Variants in FYCO1 observed in about 807,000 individuals in gnomAD.
The protein encoded by FYCO1 is FYVE and coiled-coil domain-containing protein 1.
Under a neutral mutation model 165.1 loss-of-function variants are expected in FYCO1, and 122 were observed. The ratio of observed to expected loss-of-function variants is 0.74; its 90% CI spans 0.64 to 0.86. FYCO1 has a LOEUF of 0.86. Among genes scored for constraint, FYCO1 ranks in the 40% least tolerant of loss-of-function variants. The pLI is 0.00. For synonymous variants in FYCO1, 648 were observed against 742.5 expected (o/e 0.87, Z 2.07); for missense variants, 1,702 against 1,810.3 (o/e 0.94, Z 1.09).
In FYCO1 at chr3:45,968,428, C is replaced by T. The variant is rs1706229035; in HGVS notation, c.906G>A (p.Trp302Ter). ...TCLVAELQKQ[W>*]EVTQATQNTV... is the part of the protein sequence containing the mutation. Reference sequence around the variant, plus strand: ...TGTTCTGGGTGGCCTGGGTGACCTCCCACTGCTTCTGGAGCTCAGCTACCA... The same window carrying T: ...TGTTCTGGGTGGCCTGGGTGACCTCTCACTGCTTCTGGAGCTCAGCTACCA... Residue 302 changes from tryptophan (W) to a stop codon, truncating the protein, a stop_gained, in exon 8 of 18, where the codon TGG becomes TGA. Coordinates refer to ENST00000296137, the MANE Select transcript of FYCO1 (RefSeq NM_024513.4). LOFTEE classifies it high-confidence loss of function. 1.2e-6 allele frequency: 2 copies of T among 1,613,946 alleles called. No homozygotes were observed. The highest frequency in any genetic ancestry group is 1.7e-6 in the Non-Finnish European group (2 of 1,179,986).
chr3:45,955,116 C>T lies in FYCO1; in HGVS notation c.3944+133G>A, dbSNP rs375314336. On this transcript the variant is annotated intron_variant, in intron 14 of 17. Coordinates refer to ENST00000296137, the MANE Select transcript of FYCO1 (RefSeq NM_024513.4). ...GAGCGCCGATGCTCTTCAAGGCCAT[C>T]GCAAGCACTGTTCCCTTAGGCAAGG... 3.0e-5 allele frequency: 32 copies of T among 1,082,754 alleles called. No individual in the cohort carries two copies. The Admixed American group carries it at 3.2e-4, about 11-fold the overall frequency. The allele number at this position is 1,082,754 out of a possible 1,614,324, so 67.1% of individuals were successfully genotyped here. A position where few individuals can be genotyped will look rare whatever the true frequency, so the allele number is the denominator to read the frequency against.
In FYCO1 at chr3:45,966,859, G is replaced by T. The variant is rs1256991032; in HGVS notation, c.2475C>A (p.Thr825=). 2 of 1,612,734 alleles carry T rather than the reference G, an allele frequency of 1.2e-6. No homozygotes were observed. The highest frequency in any genetic ancestry group is 1.7e-6 in the Non-Finnish European group (2 of 1,180,014). Residue 825 remains threonine (T), a synonymous_variant, in exon 8 of 18, where the codon ACC becomes ACA. Transcript: ENST00000296137. ...TCTGCTCCTTCAGCTGCTGCACAAG[G>T]GTTTTGTGCTCCCTCAGGACGGCCT... ...MAEAVLREHK[T]LVQQLKEQNE... is the part of the protein sequence containing the mutation.
Position 45,966,458 on chromosome 3 carries a change from T to C in FYCO1, c.2876A>G (p.Glu959Gly), listed in dbSNP as rs369479910. Residue 959 changes from glutamate to glycine, a missense_variant, in exon 8 of 18, where the codon GAG becomes GGG. Physicochemically the swap from Glu to Gly is moderately conservative, Grantham distance 98. Transcript: ENST00000296137. ...RQVAGLQQEK[E>G]SLQEKLKAAK... ...CGCCTTCAGCTTCTCCTGCAAGCTC[T>C]CCTTCTCTTGCTGCAGCCCAGCTAC... The C allele has an allele frequency of 6.2e-7, 1 of 1,611,118 alleles. No individual in the cohort carries two copies. The highest frequency in any genetic ancestry group is 8.5e-7 in the Non-Finnish European group (1 of 1,177,576).
intron 6 of FYCO1, 89 bp from the exon 7 acceptor site, chr3:45,969,854 G>T: frequency 1.9e-6 from 2 of 1,025,972 alleles, no homozygotes; most frequent in Admixed American, 2.0e-5. Context: ...ACCAGGTGGT[G>T]GTAGGGGGCT....
chr3:45,940,530 T>C (rs1480159141), intron 14 of FYCO1, among the ~76,000 whole-genome samples: 1 of 152,200 alleles, frequency 6.6e-6, no homozygotes, highest in African/African-American at 2.4e-5. Context: ...CAAGCCACCA[T>C]GCCTGCGGAC....
At chr3:45,960,568 G>A (rs756503793) in intron 11 of FYCO1, among the ~76,000 whole-genome samples, 1 of 152,164 alleles carries the variant, frequency 6.6e-6, no homozygotes, top group Admixed American at 6.5e-5. Flanking sequence ...ACACCCCTCA[G>A]GTCACAAATA....
intron 14 of FYCO1, chr3:45,945,615 C>G (rs1704542590): frequency 6.6e-6 from 1 of 152,162 alleles, no homozygotes; most frequent in African/African-American, 2.4e-5. Flanking sequence ...GGAGCTAAGG[C>G]AAGGTTCCGC....
chr3:45,975,219 C>A lies in FYCO1; in HGVS notation c.395+20G>T. 6.5e-7 allele frequency: 1 copy of A among 1,536,784 alleles called. No individual in the cohort carries two copies. Among genetic ancestry groups the A allele is most frequent in the South Asian group, 1.1e-5 (1 of 89,578 alleles). On this transcript the variant is annotated intron_variant, in intron 5 of 17. Coordinates refer to ENST00000296137, the MANE Select transcript of FYCO1 (RefSeq NM_024513.4). ...TTCTGCACGGGATGATCCCAAACCC[C>A]AGCCCTGTCCTGTATTTACCTGGTC...
intron 11 of FYCO1, among the ~76,000 whole-genome samples, chr3:45,961,601 T>C (rs1429942464): frequency 2.0e-5 from 3 of 150,868 alleles, no homozygotes; most frequent in African/African-American, 7.3e-5. Flanking sequence ...ATTCAAAAAA[T>C]AGAAAATAAA....
intron 14 of FYCO1, chr3:45,946,775 C>T (rs779610063): frequency 6.2e-7 from 1 of 1,614,196 alleles, no homozygotes; most frequent in Non-Finnish European, 8.5e-7. Flanking sequence ...GGGTGTTTGG[C>T]CAGGTCATGT....
chr3:45,979,682 T>G, intron 4 of FYCO1, 23 bp downstream of exon 4: 1 of 1,613,386 alleles, frequency 6.2e-7, no homozygotes, highest in Non-Finnish European at 8.5e-7. Flanking sequence ...GACATGAAGT[T>G]GTTGGCTGCT....
Position 45,921,111 on chromosome 3 carries a change from A to G in FYCO1, c.*654T>C, listed in dbSNP as rs75928798. 14,339 of 161,296 alleles carry G rather than the reference A, an allele frequency of 0.089. 1,074 individuals carry two copies. The highest frequency in any genetic ancestry group is 0.34 in the South Asian group (1,997 of 5,892). 10.0% of individuals were successfully genotyped at this position (161,296 alleles called of 1,614,324 possible). A position where few individuals can be genotyped will look rare whatever the true frequency, so the allele number is the denominator to read the frequency against. ...ATTTGAGGACAGAATCACCCAGACA[A>G]AAGGGCCAGAAAGAGAGTGCAGCTT... On this transcript the variant is annotated 3_prime_UTR_variant, in exon 18 of 18. Transcript: ENST00000296137.
chr3:45,982,446 C>G (rs115368035), intron 2 of FYCO1, among the ~76,000 whole-genome samples: 1 of 152,146 alleles, frequency 6.6e-6, no homozygotes, highest in Non-Finnish European at 1.5e-5. Flanking sequence ...GGAATAAGAA[C>G]CCTGGTTTTC....
intron 14 of FYCO1, chr3:45,946,538 C>A (rs1406599230): frequency 4.3e-6 from 7 of 1,614,170 alleles, no homozygotes; most frequent in Non-Finnish European, 5.1e-6. Flanking sequence ...ATGACAGCAG[C>A]CAGGAGGAGC....
chr3:45,968,594 T>G lies in FYCO1; in HGVS notation c.740A>C (p.Lys247Thr). 3 of 1,614,032 alleles carry G rather than the reference T, an allele frequency of 1.9e-6. No individual in the cohort carries two copies. The highest frequency in any genetic ancestry group is 2.5e-6 in the Non-Finnish European group (3 of 1,180,006). ...CTGCTGCATGCGCTCCCGTAGCTGC[T>G]TCTCCCGCACCTCCAACTGGTCCAG... ...LELDQLEVRE[K>T]QLRERMQQLD... Residue 247 changes from lysine to threonine, a missense_variant, in exon 8 of 18, where the codon AAG becomes ACG. Lys to Thr is a moderately conservative substitution (Grantham distance 78). Transcript: ENST00000296137.
intron 1 of FYCO1, among the ~76,000 whole-genome samples, chr3:45,986,271 G>A (rs943853842): frequency 6.6e-6 from 1 of 152,064 alleles, no homozygotes; most frequent in Non-Finnish European, 1.5e-5. Context: ...CACTTCCACC[G>A]GCTCGAGGTA....
chr3:45,927,100 G>A lies in FYCO1; in HGVS notation c.4252-3335C>T, dbSNP rs545426443. ...CCCGCGGCCCAGGAAGGCTTTGAAT[G>A]CAGCCCAACACAAATTCGTAAACTT... On this transcript the variant is annotated intron_variant, in intron 16 of 17. Coordinates refer to ENST00000296137, the MANE Select transcript of FYCO1 (RefSeq NM_024513.4). Among the ~76,000 whole-genome samples the A allele has an allele frequency of 4.8e-4, 73 of 152,302 alleles. No homozygotes were observed. The Middle Eastern group carries it at 0.01, about 21-fold the overall frequency.
chr3:45,935,601 C>T (rs992425892), intron 15 of FYCO1, among the ~76,000 whole-genome samples: 1 of 152,222 alleles, frequency 6.6e-6, no homozygotes, highest in African/African-American at 2.4e-5. Flanking sequence ...TCACCTCCTT[C>T]AAGTCTTATC....
chr3:45,925,513 C>G (rs754835286), intron 16 of FYCO1, among the ~76,000 whole-genome samples: 1 of 152,118 alleles, frequency 6.6e-6, no homozygotes, highest in Non-Finnish European at 1.5e-5. Flanking sequence ...ACATTTTTAA[C>G]TTGTACAAAA....
Sources: allele counts gnomAD v4.1 joint callset (sites outside exome capture counted in the v4.1 genomes callset), GRCh38; gene constraint gnomAD v4.1.1; transcripts MANE v1.5; gene names NCBI Gene and HGNC (gene_info 2026-07-23, HGNC 2026-07-21).